Variants in TCF4 observed in about 807,000 individuals in gnomAD.
TCF4 encodes the protein transcription factor 4.
Under a neutral mutation model 82.1 loss-of-function variants are expected in TCF4, and 3 were observed. That is an observed-to-expected ratio of 0.04 (90% CI 0.02 to 0.09). The LOEUF is 0.09. Among genes scored for constraint, TCF4 ranks in the 10% least tolerant of loss-of-function variants. TCF4 has a pLI of 1.00. For missense variants in TCF4, 518 were observed against 852.7 expected (o/e 0.61, Z 4.89); for synonymous variants, 276 against 309.6 (o/e 0.89, Z 1.14).
At chr18:55,389,703 A>G (rs571550682) in intron 6 of TCF4, among the ~76,000 whole-genome samples, 3 of 152,232 alleles carry the variant, frequency 2.0e-5, no homozygotes, top group African/African-American at 7.2e-5. Context: ...CCAGGATACC[A>G]CCATGCTAAG....
At chr18:55,261,344 T>C in intron 12 of TCF4, 122 bp downstream of exon 12, 1 of 1,206,046 alleles carries the variant, frequency 8.3e-7, no homozygotes, top group South Asian at 1.2e-5. Flanking sequence ...GCAAGAAAGC[T>C]AGCATTTTCC....
chr18:55,541,061 A>C (rs913593434), intron 3 of TCF4, among the ~76,000 whole-genome samples: 45 of 152,034 alleles, frequency 3.0e-4, no homozygotes, highest in African/African-American at 1.1e-3. Flanking sequence ...AAGACCACTG[A>C]ATTAGAAAAT....
rs115189692 is a variant in TCF4 at position 55,383,659 on chromosome 18, G to A, written c.369+19795C>T. Among the ~76,000 whole-genome samples, 952 of 152,324 alleles carry A rather than the reference G, an allele frequency of 6.2e-3. 12 individuals carry two copies. Among genetic ancestry groups the A allele is most frequent in the African/African-American group, 0.022 (923 of 41,564 alleles). On this transcript the variant is annotated intron_variant, in intron 6 of 19. Transcript: ENST00000354452. Reference sequence around the variant, plus strand: ...TTGATATCTCTGGCTTACAGGAAATGTCCCAAAGAGGCAGTCCACGTTACT... The same window carrying A: ...TTGATATCTCTGGCTTACAGGAAATATCCCAAAGAGGCAGTCCACGTTACT...
At chr18:55,368,727 G>A (rs1340153673) in intron 6 of TCF4, among the ~76,000 whole-genome samples, 1 of 152,126 alleles carries the variant, frequency 6.6e-6, no homozygotes, top group African/African-American at 2.4e-5. Flanking sequence ...AATGGACCCA[G>A]TTTAAATATT....
chr18:55,288,963 G>A (rs1177924305), intron 8 of TCF4, among the ~76,000 whole-genome samples: 1 of 152,170 alleles, frequency 6.6e-6, no homozygotes, highest in Non-Finnish European at 1.5e-5. Context: ...ACTAGCCTCT[G>A]GCTCCAAATA....
chr18:55,461,377 T>C (rs1336367055), intron 4 of TCF4, among the ~76,000 whole-genome samples: 1 of 152,136 alleles, frequency 6.6e-6, no homozygotes, highest in Non-Finnish European at 1.5e-5. Flanking sequence ...CATGGAGTTG[T>C]TGACATGATT....
At chr18:55,567,278 A>C (rs552785007) in intron 3 of TCF4, among the ~76,000 whole-genome samples, 3 of 152,332 alleles carry the variant, frequency 2.0e-5, no homozygotes, top group South Asian at 4.1e-4. Context: ...TTAATTAACC[A>C]GGAAAATATA....
At chr18:55,542,169 G>A (rs1290573870) in intron 3 of TCF4, among the ~76,000 whole-genome samples, 1 of 151,934 alleles carries the variant, frequency 6.6e-6, no homozygotes, top group Non-Finnish European at 1.5e-5. Context: ...AGAGATTTAG[G>A]AAAGAACTAC....
chr18:55,585,950 C>T (rs1467350675), intron 2 of TCF4: 3 of 1,274,706 alleles, frequency 2.4e-6, no homozygotes, highest in African/African-American at 1.5e-5. Flanking sequence ...TCTTCTTCGA[C>T]GTATCTAGTG....
At chr18:55,438,788 T>C (rs1237186832) in intron 5 of TCF4, among the ~76,000 whole-genome samples, 1 of 152,126 alleles carries the variant, frequency 6.6e-6, no homozygotes, top group Non-Finnish European at 1.5e-5. Flanking sequence ...CATACTCCAG[T>C]CCCACACAGC....
At chr18:55,427,739 T>C (rs2095045526) in intron 5 of TCF4, among the ~76,000 whole-genome samples, 1 of 152,230 alleles carries the variant, frequency 6.6e-6, no homozygotes, top group Non-Finnish European at 1.5e-5. Flanking sequence ...GAGTATCTTA[T>C]GTTCACCACT....
At chr18:55,626,484 G>A (rs926372021) in intron 2 of TCF4, among the ~76,000 whole-genome samples, 1 of 152,152 alleles carries the variant, frequency 6.6e-6, no homozygotes, top group Non-Finnish European at 1.5e-5. Flanking sequence ...TATATGTTTG[G>A]TGTTCCAGGA....
At chr18:55,322,093 T>C (rs1490550495) in intron 8 of TCF4, 2 of 487,690 alleles carry the variant, frequency 4.1e-6, no homozygotes, top group Non-Finnish European at 5.0e-6. Flanking sequence ...TTTTCTTTTC[T>C]TTTTTTTTTT....
intron 2 of TCF4, among the ~76,000 whole-genome samples, chr18:55,625,145 AATT>A (rs1243647002): frequency 6.6e-6 from 1 of 152,202 alleles, no homozygotes; most frequent in Non-Finnish European, 1.5e-5. Flanking sequence ...TTGGAGTATC[AATT>A]ATTAAAAATC....
intron 8 of TCF4, among the ~76,000 whole-genome samples, chr18:55,280,253 C>G (rs2062307648): frequency 6.6e-6 from 1 of 152,054 alleles, no homozygotes; most frequent in Non-Finnish European, 1.5e-5. Flanking sequence ...TACATAAGAC[C>G]ACCAACAATC....
intron 6 of TCF4, chr18:55,352,019 T>C: frequency 1.7e-6 from 1 of 592,156 alleles, no homozygotes; most frequent in Non-Finnish European, 2.1e-6. Flanking sequence ...AAGTACAGAA[T>C]GTGTTTTCCC....
At chr18:55,611,792 G>A (rs1477900175) in intron 2 of TCF4, among the ~76,000 whole-genome samples, 6 of 151,516 alleles carry the variant, frequency 4.0e-5, no homozygotes, top group South Asian at 2.1e-4. Flanking sequence ...TTTTTGAGAC[G>A]GAGTGTTGCT....
At chr18:55,291,243 C>T (rs892044784) in intron 8 of TCF4, among the ~76,000 whole-genome samples, 7 of 152,132 alleles carry the variant, frequency 4.6e-5, no homozygotes, top group African/African-American at 1.7e-4. Flanking sequence ...GAATATCCTT[C>T]CAAATCACCT....
Position 55,585,103 on chromosome 18 carries a change from C to T in TCF4, c.145+177G>A, listed in dbSNP as rs552445584. On this transcript the variant is annotated intron_variant, in intron 3 of 19. Coordinates refer to ENST00000354452, the MANE Select transcript of TCF4 (RefSeq NM_001083962.2). ...TTAAAAAAAAAGACCTAATTTTAAT[C>T]GCACAAGATAACATTTTGTGTAAGT... Among the ~76,000 whole-genome samples, 14 of 152,140 alleles carry T rather than the reference C, an allele frequency of 9.2e-5. No homozygotes were observed. In the East Asian group the frequency reaches 2.1e-3, roughly 23 times the overall value.
Sources: allele counts gnomAD v4.1 joint callset (sites outside exome capture counted in the v4.1 genomes callset), GRCh38; gene constraint gnomAD v4.1.1; transcripts MANE v1.5; gene names NCBI Gene and HGNC (gene_info 2026-07-23, HGNC 2026-07-21).